The following IL1RAPL1 variants were observed in gnomAD, a reference collection of about 807,000 sequenced individuals.
IL1RAPL1 encodes the protein interleukin 1 receptor accessory protein like 1.
Under a neutral mutation model 48.4 loss-of-function variants are expected in IL1RAPL1, and 3 were observed. That is an observed-to-expected ratio of 0.06 (90% CI 0.03 to 0.16). The LOEUF is 0.16. Among genes scored for constraint, IL1RAPL1 ranks in the 10% least tolerant of loss-of-function variants. The pLI, the probability that IL1RAPL1 is intolerant of heterozygous loss-of-function variation, is 1.00. For synonymous variants in IL1RAPL1, 185 were observed against 187.7 expected, an observed-to-expected ratio of 0.99 and a Z score of 0.12; for missense variants, 349 against 530.6, an observed-to-expected ratio of 0.66 and a Z score of 3.36.
chrX:29,934,712 T>C (rs962233154), intron 8 of IL1RAPL1, among the ~76,000 whole-genome samples: 4 of 111,439 alleles, frequency 3.6e-5, no homozygotes, highest in Non-Finnish European at 5.7e-5. Context: ...ACACAACATA[T>C]CATTGCTAAA....
intron 5 of IL1RAPL1, among the ~76,000 whole-genome samples, chrX:29,478,824 C>A (rs1935005588): frequency 9.1e-6 from 1 of 110,417 alleles, no homozygotes; most frequent in Admixed American, 9.7e-5. Flanking sequence ...TCACTGCCTC[C>A]CCGTCTCAGG....
intron 6 of IL1RAPL1, among the ~76,000 whole-genome samples, chrX:29,749,415 T>G (rs1390194514): frequency 8.9e-6 from 1 of 112,516 alleles, no homozygotes; most frequent in African/African-American, 3.2e-5. Flanking sequence ...ATGATTGGTC[T>G]AAATGTATTC....
At chrX:29,668,743 G>A (rs750760745) in intron 6 of IL1RAPL1, among the ~76,000 whole-genome samples, 55 of 111,601 alleles carry the variant, frequency 4.9e-4, no homozygotes, top group Non-Finnish European at 8.1e-4. Context: ...TGGAAAATGA[G>A]ATAGGCTGAT....
chrX:29,572,583 A>G (rs1168220053), intron 5 of IL1RAPL1, among the ~76,000 whole-genome samples: 1 of 112,364 alleles, frequency 8.9e-6, no homozygotes, highest in Non-Finnish European at 1.9e-5. Context: ...TTGTTTAAAA[A>G]TATTTTCCAG....
At chrX:29,757,716 G>T (rs1007833296) in intron 6 of IL1RAPL1, among the ~76,000 whole-genome samples, 2 of 111,624 alleles carry the variant, frequency 1.8e-5, no homozygotes, top group African/African-American at 6.5e-5. Context: ...TTATTAAAAT[G>T]TAGAGTCAAT....
chrX:28,794,568 A>T (rs1190047243), intron 2 of IL1RAPL1, among the ~76,000 whole-genome samples: 1 of 111,849 alleles, frequency 8.9e-6, no homozygotes, highest in African/African-American at 3.3e-5. Flanking sequence ...AGCTCCCTAA[A>T]GCATCCAGCT....
intron 1 of IL1RAPL1, among the ~76,000 whole-genome samples, chrX:28,694,584 T>A (rs1346092312): frequency 8.9e-6 from 1 of 111,978 alleles, no homozygotes; most frequent in African/African-American, 3.2e-5. Flanking sequence ...TTATCTAAGA[T>A]ATATGGAGGG....
chrX:29,567,282 A>G (rs1330567660), intron 5 of IL1RAPL1, among the ~76,000 whole-genome samples: 1 of 111,301 alleles, frequency 9.0e-6, no homozygotes, highest in Non-Finnish European at 1.9e-5. Context: ...GCCAGAAAAC[A>G]ACTGAGGATA....
chrX:29,260,230 T>C (rs1931828644), intron 2 of IL1RAPL1, among the ~76,000 whole-genome samples: 1 of 112,558 alleles, frequency 8.9e-6, no homozygotes, highest in Non-Finnish European at 1.9e-5. Context: ...ACATAAGGTT[T>C]CAAGAGCTAA....
At chrX:29,641,125 C>T (rs184552826) in intron 5 of IL1RAPL1, among the ~76,000 whole-genome samples, 1 of 112,331 alleles carries the variant, frequency 8.9e-6, no homozygotes, top group African/African-American at 3.2e-5. Flanking sequence ...GAGTCACGAT[C>T]GCGCCACTGC....
At chrX:29,014,711 C>G (rs1926201376) in intron 2 of IL1RAPL1, among the ~76,000 whole-genome samples, 1 of 111,717 alleles carries the variant, frequency 9.0e-6, no homozygotes, top group South Asian at 3.6e-4. Flanking sequence ...TAACAGAATT[C>G]TAAATATTCT....
intron 2 of IL1RAPL1, among the ~76,000 whole-genome samples, chrX:29,242,492 GC>G (rs1210069601): frequency 1.8e-5 from 2 of 112,066 alleles, no homozygotes; most frequent in Non-Finnish European, 3.8e-5. Context: ...TATGAGATGA[GC>G]CACTTAATTG....
At chrX:28,844,073 C>T (rs188492532) in intron 2 of IL1RAPL1, among the ~76,000 whole-genome samples, 2 of 108,816 alleles carry the variant, frequency 1.8e-5, no homozygotes, top group East Asian at 3.0e-4. Context: ...TAGTAAATGC[C>T]CCCACCCACA....
chrX:29,224,802 A>G (rs183144324), intron 2 of IL1RAPL1, among the ~76,000 whole-genome samples: 188 of 112,284 alleles, frequency 1.7e-3, no homozygotes, highest in Non-Finnish European at 2.8e-3. Context: ...TTTTTAGTCT[A>G]CTGTAAAGGC....
chrX:28,778,996 A>G (rs766261769), intron 1 of IL1RAPL1, among the ~76,000 whole-genome samples: 126 of 111,873 alleles, frequency 1.1e-3, no homozygotes, highest in Non-Finnish European at 2.0e-3. Context: ...AAAATGAGAT[A>G]TTAGATATTG....
At chrX:29,456,332 C>A (rs1934738008) in intron 5 of IL1RAPL1, among the ~76,000 whole-genome samples, 1 of 111,339 alleles carries the variant, frequency 9.0e-6, no homozygotes, top group Non-Finnish European at 1.9e-5. Flanking sequence ...GGTGGGAGTA[C>A]AGAGAGATGC....
At chrX:29,075,558 G>T (rs990524686) in intron 2 of IL1RAPL1, among the ~76,000 whole-genome samples, 1 of 111,749 alleles carries the variant, frequency 8.9e-6, no homozygotes, top group Admixed American at 9.5e-5. Flanking sequence ...GAAAAATAGT[G>T]CAGCAAATGT....
rs1933209122 is a variant in IL1RAPL1 at position 29,946,104 on chromosome X, A to ATATT, written c.1201+4312_1201+4315dup. The stretch of plus-strand genomic sequence containing the variant: ...AGTCAATTGCACCTCTCAAAAATAG[A>ATATT]TATTTTCCTTACCCTTAATTGCAAC... On this transcript the variant is annotated intron_variant, in intron 9 of 10. Transcript: ENST00000378993. 4.5e-5 allele frequency among the ~76,000 whole-genome samples: 5 copies of ATATT among 111,668 alleles called. No individual in the cohort carries two copies. In the South Asian group the frequency reaches 1.9e-3, roughly 42 times the overall value.
intron 2 of IL1RAPL1, among the ~76,000 whole-genome samples, chrX:29,177,927 C>A (rs1388681820): frequency 8.9e-6 from 1 of 112,026 alleles, no homozygotes; most frequent in African/African-American, 3.2e-5. Flanking sequence ...ATGAATTCAT[C>A]CTTTTTTATG....
Sources: allele counts gnomAD v4.1 joint callset (sites outside exome capture counted in the v4.1 genomes callset), GRCh38; gene constraint gnomAD v4.1.1; transcripts MANE v1.5; gene names NCBI Gene and HGNC (gene_info 2026-07-23, HGNC 2026-07-21).